The following MRM1 variants were observed in gnomAD, a reference collection of about 807,000 sequenced individuals.
The protein encoded by MRM1 is rRNA methyltransferase 1, mitochondrial.
A neutral mutation model predicts 25.0 loss-of-function variants in MRM1; 24 were observed. The ratio of observed to expected loss-of-function variants is 0.96; its 90% CI spans 0.69 to 1.35. MRM1 has a LOEUF of 1.35. Ranked by LOEUF, MRM1 falls within the 40% of genes most tolerant of loss-of-function variation. The probability of loss-of-function intolerance (pLI) is 0.00; values close to 1 mark genes in which losing one functional copy is unlikely to be tolerated. For synonymous variants in MRM1, 188 were observed against 199.2 expected (o/e 0.94, Z 0.47); for missense variants, 431 against 464.1 (o/e 0.93, Z 0.65).
At chr17:36,628,937 A>G in the MRM1 span, among the ~76,000 whole-genome samples, 14 of 151,936 alleles carry the variant, frequency 9.2e-5, no homozygotes, top group African/African-American at 3.4e-4. Context: ...GAGAGAGAGG[A>G]GAGTGAGTGA....
chr17:36,619,379 TG>T, the MRM1 span, among the ~76,000 whole-genome samples: 8 of 152,298 alleles, frequency 5.3e-5, no homozygotes, highest in South Asian at 1.7e-3. Flanking sequence ...TTCAAGACCC[TG>T]CCTTGGGCCA....
At chr17:36,627,832 C>A in the MRM1 span, among the ~76,000 whole-genome samples, 5 of 152,040 alleles carry the variant, frequency 3.3e-5, no homozygotes, top group Admixed American at 3.3e-4. Flanking sequence ...CGCCACCACG[C>A]CCAGCTGATT....
At position 36,602,324 on chromosome 17, in the gene MRM1, G is replaced by A. The variant is rs545927735; in HGVS notation, c.514G>A (p.Asp172Asn). 2.5e-6 allele frequency: 4 copies of A among 1,576,064 alleles called. No homozygotes were observed. Among genetic ancestry groups the A allele is most frequent in the Non-Finnish European group, 3.5e-6 (4 of 1,157,200 alleles). The change falls in exon 1 of 5, where the codon GAT becomes AAT. Residue 172 changes from aspartate (D) to asparagine (N), a missense_variant. Coordinates refer to ENST00000614766, the MANE Select transcript of MRM1 (RefSeq NM_024864.5). The surrounding 1 kb of genome is among the most constrained non-coding windows in gnomAD (Gnocchi z 4.1). ...GCGTTCCGCACACTTCCTCGGAGTG[G>A]ATAAGGTCATCACCAGCCGGAGAAA... ...VLRSAHFLGV[D>N]KVITSRRNSC...
At chr17:36,624,153 C>T in the MRM1 span, among the ~76,000 whole-genome samples, 1 of 152,218 alleles carries the variant, frequency 6.6e-6, no homozygotes, top group African/African-American at 2.4e-5. This position sits in a 1 kb window ranked among gnomAD's most constrained non-coding sequence, Gnocchi z 4.0. Context: ...GTCTCTCACC[C>T]TGTCTCTGAT....
chr17:36,608,280 T>C lies in MRM1; in HGVS notation c.927T>C (p.Gly309=), dbSNP rs2074949379. The C allele has an allele frequency of 6.3e-7, 1 of 1,593,386 alleles. No individual in the cohort carries two copies. The highest frequency in any genetic ancestry group is 1.4e-5 in the African/African-American group (1 of 73,846). ...ACTCCATTTGCAGCCAGAGGAAGGG[T>C]TTCCCCACAGAGGGGGAGAGAAGGC... is the stretch of plus-strand genomic sequence containing the variant. ...LLHSICSQRK[G]FPTEGERRQL... Residue 309 remains glycine (G), a synonymous_variant, in exon 5 of 5, where the codon GGT becomes GGC. Transcript: ENST00000614766.
chr17:36,617,340 G>A, the MRM1 span, among the ~76,000 whole-genome samples: 3 of 151,878 alleles, frequency 2.0e-5, no homozygotes, highest in Middle Eastern at 3.2e-3. Flanking sequence ...AGGCTTGAGA[G>A]ATGATGCCCT....
At chr17:36,603,174 C>A (rs562127477) in intron 2 of MRM1, 4 of 982,774 alleles carry the variant, frequency 4.1e-6, no homozygotes, top group East Asian at 2.3e-4. Context: ...CATACCCCCC[C>A]CAACCCCCAC....
chr17:36,610,080 G>T (rs542313275), downstream of MRM1, among the ~76,000 whole-genome samples: 1 of 150,440 alleles, frequency 6.6e-6, no homozygotes, highest in East Asian at 2.0e-4. Context: ...CGTGCACCAC[G>T]CGCAGCTAAT....
At chr17:36,628,303 G>A in the MRM1 span, among the ~76,000 whole-genome samples, 344 of 152,338 alleles carry the variant, frequency 2.3e-3, 2 homozygotes, top group African/African-American at 7.9e-3. Context: ...GTATGTTTTG[G>A]CAGGGCTAGA....
At chr17:36,622,348 G>A in the MRM1 span, among the ~76,000 whole-genome samples, 1 of 152,188 alleles carries the variant, frequency 6.6e-6, no homozygotes, top group South Asian at 2.1e-4. Context: ...GAGGTGTGTG[G>A]ATCACCTGAG....
At chr17:36,619,168 A>G in the MRM1 span, among the ~76,000 whole-genome samples, 1 of 152,170 alleles carries the variant, frequency 6.6e-6, no homozygotes, top group Non-Finnish European at 1.5e-5. Flanking sequence ...TGACTGGCTT[A>G]TTTTAGCATC....
chr17:36,627,876 A>G, the MRM1 span, among the ~76,000 whole-genome samples: 1 of 151,930 alleles, frequency 6.6e-6, no homozygotes, highest in Non-Finnish European at 1.5e-5. Context: ...GGGTATCGCC[A>G]TGTTGGCCAG....
intron 2 of MRM1, among the ~76,000 whole-genome samples, chr17:36,607,332 A>G (rs896777490): frequency 1.2e-4 from 19 of 152,140 alleles, no homozygotes; most frequent in Non-Finnish European, 2.5e-4. Flanking sequence ...ATGAATTAGA[A>G]TAGGAGAGGC....
the MRM1 span, among the ~76,000 whole-genome samples, chr17:36,632,954 C>G: frequency 1.3e-5 from 2 of 152,120 alleles, no homozygotes; most frequent in Admixed American, 6.5e-5. Context: ...TTTCCTAGAG[C>G]AAAGGGTAAG....
chr17:36,634,677 C>T, the MRM1 span: 1 of 152,216 alleles, frequency 6.6e-6, no homozygotes, highest in Non-Finnish European at 1.5e-5. Context: ...ATAATAAATG[C>T]AACTGCTGTA....
In MRM1 at chr17:36,602,182, C is replaced by T. The variant is rs769179096; in HGVS notation, c.372C>T (p.Ser124=). 2 of 1,611,384 alleles carry T rather than the reference C, an allele frequency of 1.2e-6. No individual in the cohort carries two copies. The highest frequency in any genetic ancestry group is 1.7e-6 in the Non-Finnish European group (2 of 1,178,500). ...QVHQGVCMEV[S]PLRPRPWREA... is the part of the protein sequence containing the mutation. ...ACCAGGGTGTCTGCATGGAGGTGAG[C>T]CCGCTGCGGCCCCGGCCTTGGAGAG... Residue 124 remains serine, a synonymous_variant, in exon 1 of 5, where the codon AGC becomes AGT. Coordinates refer to ENST00000614766, the MANE Select transcript of MRM1 (RefSeq NM_024864.5). The surrounding 1 kb of genome is among the most constrained non-coding windows in gnomAD (Gnocchi z 4.1).
intron 2 of MRM1, chr17:36,603,255 G>A: frequency 1.0e-6 from 1 of 982,860 alleles, no homozygotes; most frequent in Non-Finnish European, 1.2e-6. Context: ...GAACAACGCT[G>A]TCCAATAAAA....
At position 36,602,051 on chromosome 17, in the gene MRM1, C is replaced by G. The variant is rs1012822462; in HGVS notation, c.241C>G (p.Leu81Val). Residue 81 changes from leucine to valine, a missense_variant, in exon 1 of 5, where the codon CTG becomes GTG. Leu to Val is a conservative substitution (Grantham distance 32). Transcript: ENST00000614766. This position sits in a 1 kb window ranked among gnomAD's most constrained non-coding sequence, Gnocchi z 4.1. ...CCTGCTCCAGGCGGGTAAAGCTGGG[C>G]TGCAGGGGAAGCGGGCCGAGCTGCT... ...RLLLQAGKAG[L>V]QGKRAELLRM... 6.2e-6 allele frequency: 10 copies of G among 1,610,246 alleles called. No homozygotes were observed. Among genetic ancestry groups the G allele is most frequent in the Middle Eastern group, 1.7e-4 (1 of 6,054 alleles).
At chr17:36,615,160 C>A in the MRM1 span, among the ~76,000 whole-genome samples, 1 of 152,204 alleles carries the variant, frequency 6.6e-6, no homozygotes, top group Non-Finnish European at 1.5e-5. Flanking sequence ...TGTGCCCTCT[C>A]GGTCACAGTA....
Sources: gnomAD v4.1 joint callset for allele counts (sites outside exome capture counted in the v4.1 genomes callset) on GRCh38, gnomAD v4.1.1 for gene constraint, Gnocchi (gnomAD v3.1) non-coding constraint, MANE v1.5 for transcripts, NCBI Gene and HGNC (gene_info 2026-07-23, HGNC 2026-07-21) for gene names.